THRAP3: variants seen among roughly 807,000 people sequenced by gnomAD.
THRAP3 encodes the protein thyroid hormone receptor-associated protein 3.
A neutral mutation model predicts 101.0 loss-of-function variants in THRAP3; 16 were observed. That is an observed-to-expected ratio of 0.16 (90% CI 0.11 to 0.24). THRAP3 has a LOEUF of 0.24. THRAP3 is among the 10% of genes least tolerant of loss of function. The pLI is 1.00. For synonymous variants in THRAP3, 407 were observed against 422.6 expected (o/e 0.96, Z 0.45); for missense variants, 989 against 1,202.7 (o/e 0.82, Z 2.63).
At chr1:36,213,852 A>G in the THRAP3 span, among the ~76,000 whole-genome samples, 1 of 151,072 alleles carries the variant, frequency 6.6e-6, no homozygotes, top group African/African-American at 2.4e-5. Context: ...TGTGAAAGAA[A>G]AGAAAGAAAG....
At chr1:36,246,523 G>A (rs1456864745) in intron 1 of THRAP3, among the ~76,000 whole-genome samples, 1 of 152,156 alleles carries the variant, frequency 6.6e-6, no homozygotes, top group Non-Finnish European at 1.5e-5. Context: ...GTGAGCGACT[G>A]TGCCCAGCCT....
In THRAP3 at chr1:36,289,508, G is replaced by A; in HGVS notation, c.1489G>A (p.Glu497Lys). The A allele has an allele frequency of 6.2e-7, 1 of 1,614,176 alleles. No individual in the cohort carries two copies. The highest frequency in any genetic ancestry group is 8.5e-7 in the Non-Finnish European group (1 of 1,180,040). ...GGAGCTGGAGGAGGAGTCTTTCCCA[G>A]AGAGATCCAAAAAGGAAGATCGGGG... ...TEELEEESFP[E>K]RSKKEDRGKR... is the part of the protein sequence containing the mutation. The change falls in exon 5 of 12, where the codon GAG (glutamate) becomes AAG (lysine). Residue 497 changes from glutamate (E) to lysine (K), a missense_variant. By Grantham distance (56) the Glu-to-Lys change is moderately conservative. Coordinates refer to ENST00000354618, the MANE Select transcript of THRAP3 (RefSeq NM_005119.4).
upstream of THRAP3, among the ~76,000 whole-genome samples, chr1:36,219,592 C>CA (rs1282034149): frequency 7.0e-6 from 1 of 143,488 alleles, no homozygotes; most frequent in East Asian, 2.0e-4. Flanking sequence ...GCCCAGCTAA[C>CA]TTTTTTTTTT....
At chr1:36,294,386 A>AT (rs1645919060) in intron 8 of THRAP3, 1 of 225,532 alleles carries the variant, frequency 4.4e-6, no homozygotes, top group Middle Eastern at 2.2e-3. Context: ...TTTTCCTAAC[A>AT]TTGTACCATA....
chr1:36,292,724 C>T lies in THRAP3; in HGVS notation c.2030+15C>T. 1.9e-6 allele frequency: 3 copies of T among 1,579,552 alleles called. No homozygotes were observed. Among genetic ancestry groups the T allele is most frequent in the East Asian group, 2.2e-5 (1 of 44,530 alleles). On this transcript the variant is annotated intron_variant, in intron 7 of 11. Transcript: ENST00000354618. ...GAGATACACAGGTAAGGACCATGGC[C>T]TTATACTGGAGGTTGTAATAAAAGA...
intron 1 of THRAP3, among the ~76,000 whole-genome samples, chr1:36,254,657 A>C (rs984894135): frequency 1.3e-5 from 2 of 152,198 alleles, no homozygotes; most frequent in East Asian, 3.8e-4. Context: ...ATGTAAATGA[A>C]TGTGACTGTT....
chr1:36,251,426 C>T (rs1375357089), intron 1 of THRAP3, among the ~76,000 whole-genome samples: 2 of 152,072 alleles, frequency 1.3e-5, no homozygotes, highest in Non-Finnish European at 2.9e-5. Flanking sequence ...CGTTCAGGTG[C>T]ATCAGTTGGC....
intron 1 of THRAP3, among the ~76,000 whole-genome samples, chr1:36,231,842 C>T (rs1020108733): frequency 1.3e-5 from 2 of 152,038 alleles, no homozygotes; most frequent in African/African-American, 2.4e-5. Context: ...GAAAGACTAT[C>T]GGCTATCAGA....
At chr1:36,252,297 G>T (rs1391501208) in intron 1 of THRAP3, among the ~76,000 whole-genome samples, 2 of 152,084 alleles carry the variant, frequency 1.3e-5, no homozygotes, top group African/African-American at 4.8e-5. Context: ...CGCTAATTGT[G>T]TGCTTTTAGT....
chr1:36,303,112 ATTTTTTTTTTTT>A (rs397936228), intron 11 of THRAP3, among the ~76,000 whole-genome samples: 2 of 125,158 alleles, frequency 1.6e-5, no homozygotes, highest in African/African-American at 3.0e-5. Flanking sequence ...TGCCTGGCTA[ATTTTTTTTTTTT>A]TTTTTTTTTT....
At chr1:36,256,009 T>A (rs1645369580) in intron 1 of THRAP3, among the ~76,000 whole-genome samples, 1 of 151,878 alleles carries the variant, frequency 6.6e-6, no homozygotes, top group Non-Finnish European at 1.5e-5. Context: ...TTTATCTGGA[T>A]CATTATTATT....
intron 2 of THRAP3, among the ~76,000 whole-genome samples, chr1:36,274,434 T>C (rs1029269746): frequency 6.6e-6 from 1 of 152,260 alleles, no homozygotes. Flanking sequence ...AAAATTCATA[T>C]GGACATGTAC....
At chr1:36,230,023 C>T (rs1193544627) in intron 1 of THRAP3, among the ~76,000 whole-genome samples, 3 of 146,744 alleles carry the variant, frequency 2.0e-5, no homozygotes, top group Non-Finnish European at 3.0e-5. Context: ...GGTGCCATCT[C>T]GGCTCACTGC....
At chr1:36,218,210 A>AT in the THRAP3 span, among the ~76,000 whole-genome samples, 42 of 151,566 alleles carry the variant, frequency 2.8e-4, no homozygotes, top group African/African-American at 7.0e-4. Context: ...GCTAAAAAAA[A>AT]ATATATAAAT....
chr1:36,225,328 A>C (rs1644949602), intron 1 of THRAP3: 1 of 152,168 alleles, frequency 6.6e-6, no homozygotes, highest in Non-Finnish European at 1.5e-5. Flanking sequence ...AGAGGCAGTG[A>C]AGCTTCTGTT....
At chr1:36,211,431 G>C in the THRAP3 span, among the ~76,000 whole-genome samples, 2 of 152,030 alleles carry the variant, frequency 1.3e-5, no homozygotes, top group Non-Finnish European at 2.9e-5. Context: ...CCAGCTACTT[G>C]GGAGGCTAAG....
At chr1:36,208,700 C>A in the THRAP3 span, among the ~76,000 whole-genome samples, 17 of 152,222 alleles carry the variant, frequency 1.1e-4, no homozygotes, top group East Asian at 3.3e-3. Flanking sequence ...GAGTCTCGCT[C>A]TTTTACCCCA....
intron 1 of THRAP3, among the ~76,000 whole-genome samples, chr1:36,249,874 G>C (rs978263609): frequency 2.0e-5 from 3 of 152,048 alleles, no homozygotes; most frequent in African/African-American, 7.2e-5. Context: ...AAGGTGGAGC[G>C]AGTAGAGCAG....
At chr1:36,258,934 A>G (rs1198578489) in intron 1 of THRAP3, among the ~76,000 whole-genome samples, 4 of 152,234 alleles carry the variant, frequency 2.6e-5, no homozygotes, top group South Asian at 2.1e-4. Context: ...GGAATAGACA[A>G]CTGGAGCAGA....
Sources: gnomAD v4.1 joint callset for allele counts (sites outside exome capture counted in the v4.1 genomes callset) on GRCh38, gnomAD v4.1.1 for gene constraint, MANE v1.5 for transcripts, NCBI Gene and HGNC (gene_info 2026-07-23, HGNC 2026-07-21) for gene names.